Variants in LRRC7 observed in about 807,000 individuals in gnomAD.
LRRC7 encodes the protein leucine rich repeat containing 7.
Under a neutral mutation model 175.7 loss-of-function variants are expected in LRRC7, and 23 were observed. The ratio of observed to expected loss-of-function variants is 0.13; its 90% confidence interval spans 0.09 to 0.19. LRRC7 has a LOEUF of 0.19. LRRC7 is among the 10% of genes least tolerant of loss of function. The probability of loss-of-function intolerance (pLI) is 1.00; values close to 1 mark genes in which losing one functional copy is unlikely to be tolerated. For missense variants in LRRC7, 1,354 were observed against 1,904.7 expected (o/e 0.71, Z 5.38); for synonymous variants, 685 against 680.9 (o/e 1.01, Z -0.09).
chr1:70,080,518 C>T (rs1663127607), intron 24 of LRRC7, among the ~76,000 whole-genome samples: 1 of 152,180 alleles, frequency 6.6e-6, no homozygotes. Flanking sequence ...GAAACCTAAA[C>T]TTCTGGTTTA....
At position 70,021,242 on chromosome 1, in the gene LRRC7, C is replaced by T. The variant is rs1332531882; in HGVS notation, c.1545+113C>T. 1.2e-5 allele frequency: 12 copies of T among 976,244 alleles called. 1 individual carries two copies. The highest frequency in any genetic ancestry group is 6.6e-5 in the African/African-American group (4 of 60,498). The allele number at this position is 976,244 out of a possible 1,614,324, so 60.5% of individuals were successfully genotyped here. On this transcript the variant is annotated intron_variant, in intron 16 of 26. Transcript: ENST00000651989. ...TCAGATACTTCTTCAAGTCTCATGG[C>T]GGTACCTTTCATTACAGCATGCTGG... is the stretch of plus-strand genomic sequence containing the variant.
intron 2 of LRRC7, among the ~76,000 whole-genome samples, chr1:69,758,221 A>G (rs1036355580): frequency 1.3e-5 from 2 of 152,056 alleles, no homozygotes; most frequent in African/African-American, 2.4e-5. Flanking sequence ...ATGTAAAACA[A>G]TAGTTACAAA....
In LRRC7 at chr1:69,931,568, C is replaced by G. The variant is rs777791456; in HGVS notation, c.709C>G (p.Leu237Val). The change falls in exon 8 of 27, where the codon CTG (leucine) becomes GTG (valine). Residue 237 changes from leucine to valine, a missense_variant and splice_region_variant. Coordinates refer to ENST00000651989, the MANE Select transcript of LRRC7 (RefSeq NM_001370785.2). ...LDLGNNEFGE[L>V]PEVLDQIQNL... is the part of the protein sequence containing the mutation. ...CCTAGGCAATAATGAATTCGGTGAG[C>G]TGGTAAGCAAATGCATTTTCTAAAC... 6.2e-7 allele frequency: 1 copy of G among 1,612,770 alleles called. No homozygotes were observed. The highest frequency in any genetic ancestry group is 1.3e-5 in the African/African-American group (1 of 74,904).
intron 7 of LRRC7, among the ~76,000 whole-genome samples, chr1:69,921,029 TG>T (rs1428727346): frequency 6.6e-6 from 1 of 152,188 alleles, no homozygotes; most frequent in Non-Finnish European, 1.5e-5. Context: ...GTGTAGCAGA[TG>T]TTCTCCTTAA....
intron 4 of LRRC7, among the ~76,000 whole-genome samples, chr1:69,801,421 A>G (rs913584089): frequency 6.6e-6 from 1 of 151,622 alleles, no homozygotes; most frequent in Non-Finnish European, 1.5e-5. Context: ...CAGGATTTCT[A>G]TGTATTCCTG....
At chr1:69,762,229 A>C (rs995215534) in intron 3 of LRRC7, among the ~76,000 whole-genome samples, 1 of 152,016 alleles carries the variant, frequency 6.6e-6, no homozygotes, top group African/African-American at 2.4e-5. Context: ...ATAGGTAGTA[A>C]AAACATGGTT....
intron 8 of LRRC7, among the ~76,000 whole-genome samples, chr1:69,979,472 G>A (rs1232197735): frequency 6.6e-6 from 1 of 152,130 alleles, no homozygotes; most frequent in Non-Finnish European, 1.5e-5. Context: ...GTTACACTTT[G>A]ATCATATACT....
intron 1 of LRRC7, among the ~76,000 whole-genome samples, chr1:69,617,883 C>T (rs947615176): frequency 7.9e-5 from 12 of 152,020 alleles, no homozygotes; most frequent in African/African-American, 2.9e-4. Flanking sequence ...GCCTGCAGCC[C>T]ACAAACTAAA....
chr1:70,066,387 T>C (rs942395000), intron 23 of LRRC7, among the ~76,000 whole-genome samples: 9 of 152,050 alleles, frequency 5.9e-5, no homozygotes, highest in African/African-American at 2.2e-4. Context: ...CTGTACTGCA[T>C]GTATAATTAT....
At chr1:70,091,503 A>T (rs957460197) in intron 25 of LRRC7, among the ~76,000 whole-genome samples, 1 of 152,112 alleles carries the variant, frequency 6.6e-6, no homozygotes, top group Non-Finnish European at 1.5e-5. Context: ...TTTTCACTAT[A>T]TTTTTGGAAG....
intron 1 of LRRC7, among the ~76,000 whole-genome samples, chr1:69,588,163 T>A (rs187811027): frequency 1.3e-5 from 2 of 152,348 alleles, no homozygotes; most frequent in East Asian, 1.9e-4. Context: ...GTGGTTTTTT[T>A]CCTCTGTGTT....
Position 70,038,447 on chromosome 1 carries a change from C to T in LRRC7, c.2623C>T (p.Pro875Ser). 1.2e-6 allele frequency: 2 copies of T among 1,614,136 alleles called. No individual in the cohort carries two copies. Among genetic ancestry groups the T allele is most frequent in the Non-Finnish European group, 1.7e-6 (2 of 1,180,006 alleles). The change falls in exon 21 of 27, where the codon CCT becomes TCT. Residue 875 changes from proline (P) to serine (S), a missense_variant. Physicochemically the swap from Pro to Ser is moderately conservative, Grantham distance 74. This residue lies in a region of LRRC7 where 1,032 missense variants were observed against 1,227.2 expected (regional missense o/e 0.84). Coordinates refer to ENST00000651989, the MANE Select transcript of LRRC7 (RefSeq NM_001370785.2). ...CAGACACACACCAGAAACAGAAGTG[C>T]CTCCTTCCAATCCTTGGCAGAATTG... ...THRHTPETEV[P>S]PSNPWQNWTR...
chr1:69,691,248 G>A (rs769285979), intron 2 of LRRC7, among the ~76,000 whole-genome samples: 6 of 152,032 alleles, frequency 3.9e-5, no homozygotes, highest in Non-Finnish European at 8.8e-5. Context: ...ATTTTATGAA[G>A]TTTATAGGGA....
At chr1:69,943,267 CA>C (rs945588777) in intron 8 of LRRC7, among the ~76,000 whole-genome samples, 11 of 151,672 alleles carry the variant, frequency 7.3e-5, no homozygotes, top group African/African-American at 2.7e-4. Context: ...TAGTATTCAG[CA>C]ACGAAAAAAA....
At chr1:69,795,864 G>T (rs957818013) in intron 4 of LRRC7, among the ~76,000 whole-genome samples, 3 of 149,652 alleles carry the variant, frequency 2.0e-5, no homozygotes, top group Non-Finnish European at 3.0e-5. Context: ...GTGAACTATT[G>T]TGTACAGAAA....
rs1391613145 is a variant in LRRC7, at chr1:69,850,820, G to C, written c.647+12537G>C. 2.6e-5 allele frequency among the ~76,000 whole-genome samples: 4 copies of C among 152,124 alleles called. No homozygotes were observed. In the East Asian group the frequency reaches 7.7e-4, roughly 29 times the overall value. On this transcript the variant is annotated intron_variant, in intron 7 of 26. Coordinates refer to ENST00000651989, the MANE Select transcript of LRRC7 (RefSeq NM_001370785.2). Reference sequence around the variant, plus strand: ...TGAGATGTCTATTAAACAATCAGCTGTTGGTGGCTAGATACATAAATCATC... The same window carrying C: ...TGAGATGTCTATTAAACAATCAGCTCTTGGTGGCTAGATACATAAATCATC...
At chr1:69,963,523 G>A (rs1426376660) in intron 8 of LRRC7, among the ~76,000 whole-genome samples, 1 of 151,994 alleles carries the variant, frequency 6.6e-6, no homozygotes, top group Non-Finnish European at 1.5e-5. Flanking sequence ...TGTATTCTTT[G>A]GATAATGGGA....
intron 2 of LRRC7, among the ~76,000 whole-genome samples, chr1:69,712,840 C>T (rs2100740396): frequency 6.6e-6 from 1 of 152,134 alleles, no homozygotes; most frequent in South Asian, 2.1e-4. Context: ...GTCCATATTG[C>T]ATTAGCCATG....
intron 2 of LRRC7, among the ~76,000 whole-genome samples, chr1:69,703,974 A>G (rs1390076993): frequency 6.6e-6 from 1 of 152,008 alleles, no homozygotes; most frequent in African/African-American, 2.4e-5. Context: ...TCCAAGATAC[A>G]TACATCAACA....
Sources: gnomAD v4.1 joint callset for allele counts (sites outside exome capture counted in the v4.1 genomes callset) on GRCh38, gnomAD v4.1.1 for gene constraint, gnomAD v4.1.1 regional missense constraint, MANE v1.5 for transcripts, NCBI Gene and HGNC (gene_info 2026-07-23, HGNC 2026-07-21) for gene names.